Variants in KLHL29 observed in about 807,000 individuals in gnomAD.
The protein encoded by KLHL29 is kelch-like protein 29.
Under a neutral mutation model 80.4 loss-of-function variants are expected in KLHL29, and 21 were observed. The observed-to-expected ratio is 0.26, with a 90% confidence interval of 0.19 to 0.38. KLHL29 has a LOEUF of 0.38. Ranked by LOEUF, KLHL29 falls within the 10% of genes least tolerant of loss-of-function variation. The pLI, the probability that KLHL29 is intolerant of heterozygous loss-of-function variation, is 1.00. For missense variants in KLHL29, 867 were observed against 1,223.9 expected, an observed-to-expected ratio of 0.71 and a Z score of 4.35; for synonymous variants, 511 against 526.8, an observed-to-expected ratio of 0.97 and a Z score of 0.41.
chr2:23,692,763 T>C (rs1253689672), intron 7 of KLHL29, among the ~76,000 whole-genome samples: 1 of 151,852 alleles, frequency 6.6e-6, no homozygotes, highest in African/African-American at 2.4e-5. Flanking sequence ...CCAGGAGAGC[T>C]GGCCAGATGG....
intron 1 of KLHL29, among the ~76,000 whole-genome samples, chr2:23,462,608 G>C (rs1206168345): frequency 6.6e-6 from 1 of 152,188 alleles, no homozygotes; most frequent in Non-Finnish European, 1.5e-5. Flanking sequence ...GTCCCTAGCG[G>C]CTTTGACTGG....
intron 4 of KLHL29, among the ~76,000 whole-genome samples, chr2:23,639,880 A>G (rs1259127750): frequency 1.3e-5 from 2 of 152,044 alleles, no homozygotes; most frequent in East Asian, 3.9e-4. Context: ...GAATAAACAC[A>G]CCAGGCCATT....
At chr2:23,468,318 G>A (rs937678137) in intron 1 of KLHL29, among the ~76,000 whole-genome samples, 2 of 152,180 alleles carry the variant, frequency 1.3e-5, no homozygotes, top group African/African-American at 2.4e-5. Context: ...TCCGAGACTA[G>A]GATGGAAACC....
rs960572144 is a variant in KLHL29 at position 23,562,609 on chromosome 2, G to A, written c.285+128G>A. 8 of 916,158 alleles carry A rather than the reference G, an allele frequency of 8.7e-6. No homozygotes were observed. Among genetic ancestry groups the A allele is most frequent in the African/African-American group, 6.8e-5 (4 of 59,108 alleles). 56.8% of individuals were successfully genotyped at this position (916,158 alleles called of 1,614,324 possible). On this transcript the variant is annotated intron_variant, in intron 3 of 13. Coordinates refer to ENST00000486442, the MANE Select transcript of KLHL29 (RefSeq NM_052920.2). The surrounding 1 kb of genome is among the most constrained non-coding windows in gnomAD (Gnocchi z 4.5). The stretch of plus-strand genomic sequence containing the variant: ...CACGCCCCGAGTCCTCCAGAGTCTT[G>A]TCCTTCCAGGACCTGGGCCTGGAAA...
intron 3 of KLHL29, among the ~76,000 whole-genome samples, chr2:23,566,004 C>T (rs542304358): frequency 3.3e-5 from 5 of 152,372 alleles, no homozygotes; most frequent in South Asian, 4.1e-4. Flanking sequence ...AGGCAGGGGC[C>T]GGCTTCTGCC....
At chr2:23,633,755 T>TGTGTGTGTGTG (rs1558416938) in intron 3 of KLHL29, among the ~76,000 whole-genome samples, 3 of 27,854 alleles carry the variant, frequency 1.1e-4, no homozygotes, top group African/African-American at 4.7e-4. Flanking sequence ...GTCACAGCAC[T>TGTGTGTGTGTG]CGTGTGTGTG....
Position 23,562,144 on chromosome 2 carries a change from C to T in KLHL29, c.-45-8C>T, listed in dbSNP as rs753541737. 6.5e-7 allele frequency: 1 copy of T among 1,544,880 alleles called. No individual in the cohort carries two copies. The highest frequency in any genetic ancestry group is 1.2e-5 in the South Asian group (1 of 83,872). ...TAAATCACCCTTCTCTCCACCCTGT[C>T]ACCACAGGTCCGGGCTCTGTTTCCC... is the stretch of plus-strand genomic sequence containing the variant. On this transcript the variant is annotated splice_region_variant and splice_polypyrimidine_tract_variant and intron_variant, in intron 2 of 13. Coordinates refer to ENST00000486442, the MANE Select transcript of KLHL29 (RefSeq NM_052920.2). The surrounding 1 kb of genome is among the most constrained non-coding windows in gnomAD (Gnocchi z 4.5).
intron 2 of KLHL29, among the ~76,000 whole-genome samples, chr2:23,539,432 C>CA (rs1666772321): frequency 7.8e-5 from 2 of 25,746 alleles, no homozygotes; most frequent in African/African-American, 4.9e-4. Flanking sequence ...ATCCTGCCTC[C>CA]TTTTTTTTTT....
chr2:23,485,890 T>C (rs74633720), intron 2 of KLHL29, among the ~76,000 whole-genome samples: 9,556 of 152,312 alleles, frequency 0.063, 412 homozygotes, highest in Non-Finnish European at 0.095. Flanking sequence ...GTGCCTAGAA[T>C]AGTGCGTAAG....
intron 5 of KLHL29, among the ~76,000 whole-genome samples, chr2:23,649,842 T>A (rs1670041939): frequency 6.6e-6 from 1 of 152,186 alleles, no homozygotes; most frequent in Non-Finnish European, 1.5e-5. Context: ...GCCGCTGTCT[T>A]CCTTCAGGAG....
At chr2:23,634,995 G>C (rs1427129184) in intron 3 of KLHL29, among the ~76,000 whole-genome samples, 2 of 152,226 alleles carry the variant, frequency 1.3e-5, no homozygotes, top group Non-Finnish European at 2.9e-5. Context: ...CCTGGGGGCA[G>C]TGCATTAAGT....
chr2:23,678,950 G>A (rs182620014), intron 5 of KLHL29, among the ~76,000 whole-genome samples: 7 of 151,936 alleles, frequency 4.6e-5, no homozygotes, highest in Admixed American at 1.3e-4. Context: ...TGGAGTTTCC[G>A]TTTGTGAAGA....
chr2:23,477,829 C>T (rs572828993), intron 2 of KLHL29, among the ~76,000 whole-genome samples: 3 of 152,214 alleles, frequency 2.0e-5, no homozygotes, highest in Non-Finnish European at 4.4e-5. Flanking sequence ...TCCTTGGATG[C>T]ACCTGTGAGT....
intron 1 of KLHL29, among the ~76,000 whole-genome samples, chr2:23,393,623 C>T (rs1424656941): frequency 2.0e-5 from 3 of 152,170 alleles, no homozygotes; most frequent in African/African-American, 7.2e-5. Context: ...CCAACTTCTT[C>T]TGTTCTATTT....
intron 2 of KLHL29, among the ~76,000 whole-genome samples, chr2:23,518,142 G>T (rs137932801): frequency 1.3e-5 from 2 of 152,134 alleles, no homozygotes; most frequent in African/African-American, 4.8e-5. Flanking sequence ...GACAAGTCCG[G>T]TGGGCTGGGG....
chr2:23,606,447 G>A (rs1411372498), intron 3 of KLHL29, among the ~76,000 whole-genome samples: 1 of 152,240 alleles, frequency 6.6e-6, no homozygotes, highest in East Asian at 1.9e-4. Flanking sequence ...TTCCAACTCA[G>A]TTTAGCCAAG....
At position 23,403,577 on chromosome 2, in the gene KLHL29, A is replaced by G. The variant is rs552527153; in HGVS notation, c.-154+17797A>G. The stretch of plus-strand genomic sequence containing the variant: ...ACTGTGCCCCCAAGTGGTCACATGT[A>G]CCTGTAAATTACATGCAGCAAAAAG... On this transcript the variant is annotated intron_variant, in intron 1 of 13. Coordinates refer to ENST00000486442, the MANE Select transcript of KLHL29 (RefSeq NM_052920.2). Among the ~76,000 whole-genome samples the G allele has an allele frequency of 9.2e-5, 14 of 152,308 alleles. No individual in the cohort carries two copies. The South Asian group carries it at 2.5e-3, about 27-fold the overall frequency.
At chr2:23,694,821 C>T (rs903356043) in intron 8 of KLHL29, among the ~76,000 whole-genome samples, 2 of 152,200 alleles carry the variant, frequency 1.3e-5, no homozygotes, top group African/African-American at 4.8e-5. Context: ...TGCAAAACCT[C>T]TTACTCCTGC....
At chr2:23,399,240 G>A (rs1438009338) in intron 1 of KLHL29, among the ~76,000 whole-genome samples, 1 of 152,174 alleles carries the variant, frequency 6.6e-6, no homozygotes, top group African/African-American at 2.4e-5. Context: ...TTCCCTTTGG[G>A]TTCCATGTTT....
Sources: gnomAD v4.1 joint callset for allele counts (sites outside exome capture counted in the v4.1 genomes callset) on GRCh38, gnomAD v4.1.1 for gene constraint, Gnocchi (gnomAD v3.1) non-coding constraint, MANE v1.5 for transcripts, NCBI Gene and HGNC (gene_info 2026-07-23, HGNC 2026-07-21) for gene names.